The following TMEM221 variants were observed in gnomAD, a reference collection of about 807,000 sequenced individuals.
The protein encoded by TMEM221 is Putative transmembrane protein ENSP00000342162.
In TMEM221, 11 loss-of-function variants were observed where a neutral mutation model predicts 10.2. The observed-to-expected ratio is 1.08, with a 90% CI of 0.68 to 1.79. The LOEUF is 1.79. Ranked by LOEUF, TMEM221 falls within the 40% of genes most tolerant of loss-of-function variation. TMEM221 has a pLI of 0.00. For missense variants in TMEM221, 382 were observed against 417.7 expected (o/e 0.91, Z 0.75); for synonymous variants, 172 against 199.8 (o/e 0.86, Z 1.18).
At chr19:17,445,327 G>C (rs944422491) in intron 1 of TMEM221, 43 bp from the exon 2 acceptor site, 71 of 1,494,196 alleles carry the variant, frequency 4.8e-5, no homozygotes, top group Non-Finnish European at 6.2e-5. Flanking sequence ...TCAGGAAGTG[G>C]AGCTGGTGGG....
intron 2 of TMEM221, among the ~76,000 whole-genome samples, chr19:17,444,658 G>T (rs2074945256): frequency 6.9e-6 from 1 of 145,008 alleles, no homozygotes; most frequent in Non-Finnish European, 1.5e-5. Context: ...CTCCCGAGGA[G>T]CTGGGACTAC....
rs1271935941 is a variant in TMEM221, at chr19:17,443,217, C to T, written c.406+1982G>A. Among the ~76,000 whole-genome samples the T allele has an allele frequency of 4.6e-5, 7 of 151,748 alleles. 1 individual carries two copies. The highest frequency in any genetic ancestry group is 1.7e-4 in the African/African-American group (7 of 41,358). Reference sequence around the variant, plus strand: ...AGTGGCATGAACCCAGGAGGCGGAGCTTGCAGTGAGCCGAGATCACACCAC... The same window carrying T: ...AGTGGCATGAACCCAGGAGGCGGAGTTTGCAGTGAGCCGAGATCACACCAC... On this transcript the variant is annotated intron_variant, in intron 2 of 2. Transcript: ENST00000341130.
At chr19:17,447,313 T>A (rs1018461694) in intron 1 of TMEM221, among the ~76,000 whole-genome samples, 2 of 152,076 alleles carry the variant, frequency 1.3e-5, no homozygotes, top group Non-Finnish European at 2.9e-5. Flanking sequence ...TGAACCACCA[T>A]GCCTTGTCCT....
intron 2 of TMEM221, among the ~76,000 whole-genome samples, chr19:17,443,259 C>T (rs1023787299): frequency 7.2e-5 from 11 of 152,076 alleles, no homozygotes; most frequent in South Asian, 6.2e-4. Context: ...CCAGCCTGGG[C>T]GACAGAGCGA....
In TMEM221 at chr19:17,448,028, G is replaced by A. The variant is rs2144507297; in HGVS notation, c.320+115C>T. On this transcript the variant is annotated intron_variant, in intron 1 of 2. Coordinates refer to ENST00000341130, the MANE Select transcript of TMEM221 (RefSeq NM_001190844.2). This position sits in a 1 kb window ranked among gnomAD's most constrained non-coding sequence, Gnocchi z 4.7. ...GAGAGACATGGAGTGGTGGGGAGAG[G>A]GAAGTGGGGAGGGAAGCTGTCCCCC... The A allele has an allele frequency of 1.2e-6, 1 of 802,206 alleles. No homozygotes were observed. The highest frequency in any genetic ancestry group is 3.5e-5 in the East Asian group (1 of 28,252). 49.7% of individuals were successfully genotyped at this position (802,206 alleles called of 1,614,324 possible).
At chr19:17,440,712 C>T (rs1424541570) in intron 2 of TMEM221, among the ~76,000 whole-genome samples, 1 of 151,958 alleles carries the variant, frequency 6.6e-6, no homozygotes, top group East Asian at 1.9e-4. Flanking sequence ...CAAACAAAAC[C>T]AGAAACACCC....
intron 2 of TMEM221, among the ~76,000 whole-genome samples, chr19:17,438,595 CTTTTT>C (rs567618962): frequency 7.8e-6 from 1 of 127,818 alleles, no homozygotes; most frequent in South Asian, 2.6e-4. Flanking sequence ...CCTGCTCTAT[CTTTTT>C]TTTTTTTTTT....
intron 2 of TMEM221, 76 bp from the exon 3 acceptor site, chr19:17,437,003 CAGGG>C: frequency 1.7e-6 from 2 of 1,178,308 alleles, no homozygotes; most frequent in South Asian, 4.8e-5. Context: ...TTCTTGCACA[CAGGG>C]AGAAATTACG....
At chr19:17,436,973 C>T (rs746667923) in intron 2 of TMEM221, 46 bp from the exon 3 acceptor site, 3 of 1,333,842 alleles carry the variant, frequency 2.2e-6, no homozygotes, top group Non-Finnish European at 2.9e-6. Context: ...CAAACATTTG[C>T]CCTCCAAGCC....
In TMEM221 at chr19:17,445,070, G is replaced by C. The variant is rs969586767; in HGVS notation, c.406+129C>G. 4.5e-5 allele frequency: 36 copies of C among 797,554 alleles called. 1 individual carries two copies. In the Middle Eastern group the frequency reaches 1.4e-3, roughly 31 times the overall value. The allele number at this position is 797,554 out of a possible 1,614,324, so 49.4% of individuals were successfully genotyped here. A position where few individuals can be genotyped will look rare whatever the true frequency, so the allele number is the denominator to read the frequency against. On this transcript the variant is annotated intron_variant, in intron 2 of 2. Coordinates refer to ENST00000341130, the MANE Select transcript of TMEM221 (RefSeq NM_001190844.2). The stretch of plus-strand genomic sequence containing the variant: ...GAGAGACTTTGCCCAAGGCACCAAA[G>C]CAAAGAAGTGTCAGAGCCTGGAGTT...
At chr19:17,447,796 G>A (rs762622290) in intron 1 of TMEM221, among the ~76,000 whole-genome samples, 1 of 152,086 alleles carries the variant, frequency 6.6e-6, no homozygotes, top group South Asian at 2.1e-4. Context: ...GCACTGTCCC[G>A]CCTCCCACCC....
intron 2 of TMEM221, 55 bp from the exon 3 acceptor site, chr19:17,436,982 C>A (rs971007801): frequency 1.9e-5 from 25 of 1,310,944 alleles, no homozygotes; most frequent in Non-Finnish European, 6.9e-6. Flanking sequence ...GCCCTCCAAG[C>A]CCTCAGGGAG....
At chr19:17,443,017 G>A (rs138927085) in intron 2 of TMEM221, among the ~76,000 whole-genome samples, 9,661 of 151,682 alleles carry the variant, frequency 0.064, 940 homozygotes, top group African/African-American at 0.21. Flanking sequence ...GGTGGCTCAC[G>A]CCTGTAATCC....
chr19:17,444,375 G>A (rs901684708), intron 2 of TMEM221, among the ~76,000 whole-genome samples: 6 of 151,712 alleles, frequency 4.0e-5, no homozygotes, highest in Admixed American at 2.0e-4. Flanking sequence ...GAGCCACTGC[G>A]CCTGGCCAAA....
intron 2 of TMEM221, among the ~76,000 whole-genome samples, chr19:17,441,474 G>A (rs1483196667): frequency 1.3e-5 from 2 of 152,142 alleles, no homozygotes; most frequent in Non-Finnish European, 2.9e-5. Context: ...TCTCTACACT[G>A]CAGAGTGGAT....
At chr19:17,438,595 CTTTTTT>C in intron 2 of TMEM221, among the ~76,000 whole-genome samples, 1 of 127,782 alleles carries the variant, frequency 7.8e-6, no homozygotes, top group African/African-American at 2.9e-5. Flanking sequence ...CCTGCTCTAT[CTTTTTT>C]TTTTTTTTTT....
intron 2 of TMEM221, among the ~76,000 whole-genome samples, chr19:17,442,512 T>C (rs2074936036): frequency 6.6e-6 from 1 of 151,118 alleles, no homozygotes. Flanking sequence ...TGATCTTGGC[T>C]CAGTGCAACC....
chr19:17,445,191 G>GCACA lies in TMEM221; in HGVS notation c.406+4_406+7dup. ...GTCCCATGCCCCACGTTCTATTCCA[G>GCACA]CACACACCTGCTAAATAGACGGAGA... On this transcript the variant is annotated splice_region_variant and intron_variant, in intron 2 of 2. Transcript: ENST00000341130. The GCACA allele has an allele frequency of 6.5e-7, 1 of 1,534,790 alleles. No homozygotes were observed. Among genetic ancestry groups the GCACA allele is most frequent in the Non-Finnish European group, 8.7e-7 (1 of 1,145,868 alleles).
intron 1 of TMEM221, among the ~76,000 whole-genome samples, chr19:17,447,522 T>C (rs1013304838): frequency 2.6e-5 from 4 of 152,132 alleles, no homozygotes; most frequent in African/African-American, 9.7e-5. Flanking sequence ...ACCTCAATGG[T>C]GGGAGTTCTC....
Sources: gnomAD v4.1 joint callset for allele counts (sites outside exome capture counted in the v4.1 genomes callset) on GRCh38, gnomAD v4.1.1 for gene constraint, Gnocchi (gnomAD v3.1) non-coding constraint, MANE v1.5 for transcripts, NCBI Gene and HGNC (gene_info 2026-07-23, HGNC 2026-07-21) for gene names.